The following DOP1A variants were observed in gnomAD, a reference collection of about 807,000 sequenced individuals.
DOP1A encodes protein DOP1A.
In DOP1A, 90 loss-of-function variants were observed where a neutral mutation model predicts 267.6. The observed-to-expected ratio is 0.34, with a 90% CI of 0.28 to 0.40. The LOEUF (loss-of-function observed/expected upper bound fraction) is 0.40, where lower values mean the gene tolerates loss of function less well. Among genes scored for constraint, DOP1A ranks in the 10% least tolerant of loss-of-function variants. DOP1A has a pLI of 1.00. For missense variants in DOP1A, 2,437 were observed against 2,900.4 expected (o/e 0.84, Z 3.67); for synonymous variants, 932 against 999.1 (o/e 0.93, Z 1.27).
chr6:83,106,621 C>A (rs1773650269), intron 4 of DOP1A, among the ~76,000 whole-genome samples: 1 of 151,960 alleles, frequency 6.6e-6, no homozygotes, highest in Non-Finnish European at 1.5e-5. Flanking sequence ...ACCAGACTGC[C>A]CAACATGGTG....
At chr6:83,130,036 T>C in intron 16 of DOP1A, 87 bp from the exon 17 acceptor site, 1 of 1,508,518 alleles carries the variant, frequency 6.6e-7, no homozygotes, top group Non-Finnish European at 8.9e-7. Context: ...TAAAAGTATT[T>C]AGTGGCTTTG....
intron 16 of DOP1A, among the ~76,000 whole-genome samples, chr6:83,129,771 C>G (rs1777739047): frequency 6.6e-6 from 1 of 152,050 alleles, no homozygotes; most frequent in Admixed American, 6.6e-5. Flanking sequence ...AGCAGTAGAT[C>G]TGCTGGTTTT....
At chr6:83,118,320 A>G (rs1397157147) in intron 7 of DOP1A, among the ~76,000 whole-genome samples, 1 of 152,140 alleles carries the variant, frequency 6.6e-6, no homozygotes, top group Non-Finnish European at 1.5e-5. Context: ...GGATATTGGG[A>G]AAAAAGAAAA....
In DOP1A at chr6:83,139,068, CAG is replaced by C; in HGVS notation, c.5031_5032del (p.Arg1677SerfsTer15). On this transcript the variant is annotated frameshift_variant, in exon 21 of 39. Transcript: ENST00000349129. LOFTEE classifies it high-confidence loss of function. The part of the protein sequence containing the change: ...STLPYMGKVL[Q>X]RVVVSVTLQL... ...TCTGCCTTACATGGGAAAAGTTCTGCAGAGAGTGGTTGTTTCTGTGACACTAC... is the reference window on the plus strand; with the variant it reads ...TCTGCCTTACATGGGAAAAGTTCTGCAGAGTGGTTGTTTCTGTGACACTAC... 1.2e-6 allele frequency: 2 copies of C among 1,613,968 alleles called. No individual in the cohort carries two copies. Among genetic ancestry groups the C allele is most frequent in the Admixed American group, 1.7e-5 (1 of 59,998 alleles).
At chr6:83,165,762 G>A (rs77346434) in intron 38 of DOP1A, 3,188 of 242,332 alleles carry the variant, frequency 0.013, 118 homozygotes, top group African/African-American at 0.066. Flanking sequence ...TTTTCGAAGC[G>A]TTGGTTGTGC....
intron 10 of DOP1A, 63 bp downstream of exon 10, chr6:83,120,854 AAAAG>A: frequency 8.1e-7 from 1 of 1,228,192 alleles, no homozygotes; most frequent in Non-Finnish European, 1.1e-6. Context: ...TAAGAAAATA[AAAAG>A]AGTCATCAGG....
intron 1 of DOP1A, among the ~76,000 whole-genome samples, chr6:83,095,200 T>C (rs1771250903): frequency 6.6e-6 from 1 of 152,222 alleles, no homozygotes; most frequent in Non-Finnish European, 1.5e-5. Context: ...CCTAAAGTGC[T>C]AGGATTACAG....
At chr6:83,159,085 A>C (rs1176153407) in intron 36 of DOP1A, among the ~76,000 whole-genome samples, 1 of 152,170 alleles carries the variant, frequency 6.6e-6, no homozygotes, top group Non-Finnish European at 1.5e-5. Flanking sequence ...CAAATTTATA[A>C]ATTGAAAAGT....
At chr6:83,144,401 A>C (rs910946232) in intron 24 of DOP1A, among the ~76,000 whole-genome samples, 2 of 152,188 alleles carry the variant, frequency 1.3e-5, no homozygotes, top group Admixed American at 6.5e-5. Flanking sequence ...CAAATTAATT[A>C]CCTGAAGTAT....
intron 38 of DOP1A, chr6:83,164,771 T>C (rs117358021): frequency 0.023 from 33,804 of 1,477,768 alleles, 477 homozygotes; most frequent in South Asian, 0.035. Flanking sequence ...TTGCCAAATA[T>C]TGAGACACAA....
chr6:83,153,705 T>C, intron 31 of DOP1A, 85 bp downstream of exon 31: 1 of 1,250,378 alleles, frequency 8.0e-7, no homozygotes, highest in Non-Finnish European at 1.1e-6. Context: ...ATTTCTAGAA[T>C]TATCATAAAA....
intron 17 of DOP1A, among the ~76,000 whole-genome samples, chr6:83,131,677 A>T (rs1778054976): frequency 6.7e-6 from 1 of 150,350 alleles, no homozygotes; most frequent in South Asian, 2.1e-4. Flanking sequence ...TTTTTTCGAG[A>T]TGGAGTCTCG....
In DOP1A at chr6:83,152,221, C is replaced by A. The variant is rs551436436; in HGVS notation, c.6050-67C>A. 1,881 of 884,336 alleles carry A rather than the reference C, an allele frequency of 2.1e-3. 25 individuals carry two copies. In the African/African-American group the frequency reaches 0.03, roughly 14 times the overall value. The allele number at this position is 884,336 out of a possible 1,614,324, so 54.8% of individuals were successfully genotyped here. A position where few individuals can be genotyped will look rare whatever the true frequency, so the allele number is the denominator to read the frequency against. On this transcript the variant is annotated intron_variant, in intron 29 of 38. Transcript: ENST00000349129. The stretch of plus-strand genomic sequence containing the variant: ...CATATATAAAAATAATACACACACA[C>A]ACACACACACATAAAATTTATTTTC...
In DOP1A at chr6:83,128,957, C is replaced by A; in HGVS notation, c.1790C>A (p.Ser597Ter). The A allele has an allele frequency of 6.3e-7, 1 of 1,583,422 alleles. No individual in the cohort carries two copies. ...EDGENPPSSR[S>*]SESGFTEFIQ... ...GGAGAAAATCCACCAAGTAGTCGATCATCAGAGAGTGGATTCACTGAGTTT... is the reference window on the plus strand; with the variant it reads ...GGAGAAAATCCACCAAGTAGTCGATAATCAGAGAGTGGATTCACTGAGTTT... Residue 597 changes from serine to a stop codon, truncating the protein, a stop_gained, in exon 16 of 39, where the codon TCA becomes TAA. Coordinates refer to ENST00000349129, the MANE Select transcript of DOP1A (RefSeq NM_015018.4). LOFTEE classifies it high-confidence loss of function.
chr6:83,090,302 C>T (rs756524179), intron 1 of DOP1A, among the ~76,000 whole-genome samples: 1 of 152,166 alleles, frequency 6.6e-6, no homozygotes, highest in Admixed American at 6.5e-5. Context: ...CAAGGTCATA[C>T]AGCTGCTAAG....
chr6:83,083,455 T>TA (rs556976950), intron 1 of DOP1A, among the ~76,000 whole-genome samples: 2 of 151,976 alleles, frequency 1.3e-5, no homozygotes, highest in Non-Finnish European at 2.9e-5. Context: ...AGATACTGAT[T>TA]AAGGGCCAAT....
intron 38 of DOP1A, chr6:83,165,822 C>T: frequency 3.2e-6 from 1 of 313,976 alleles, no homozygotes; most frequent in Admixed American, 3.3e-5. Flanking sequence ...TTTCTGGTGG[C>T]CAATGCCGGC....
At chr6:83,071,326 C>G (rs1027732418) in intron 1 of DOP1A, among the ~76,000 whole-genome samples, 1 of 152,102 alleles carries the variant, frequency 6.6e-6, no homozygotes, top group African/African-American at 2.4e-5. Context: ...CCTGCCTCAG[C>G]CTCCTGATTA....
intron 15 of DOP1A, 82 bp from the exon 16 acceptor site, chr6:83,128,805 A>G (rs1777587145): frequency 6.8e-7 from 1 of 1,460,172 alleles, no homozygotes; most frequent in Admixed American, 2.5e-5. Context: ...ATAGTCTAAA[A>G]CATCTCAAAA....
Sources: allele counts gnomAD v4.1 joint callset (sites outside exome capture counted in the v4.1 genomes callset), GRCh38; gene constraint gnomAD v4.1.1; transcripts MANE v1.5; gene names NCBI Gene and HGNC (gene_info 2026-07-23, HGNC 2026-07-21).